Variants in ALK observed in about 807,000 individuals in gnomAD.
ALK encodes the protein ALK receptor tyrosine kinase, also known as ALK tyrosine kinase receptor.
ALK carries 74 observed loss-of-function variants against 163.1 expected under a neutral mutation model. The observed-to-expected ratio is 0.45, with a 90% CI of 0.38 to 0.55. ALK has a LOEUF of 0.55. Ranked by LOEUF, ALK falls within the 20% of genes least tolerant of loss-of-function variation. The pLI, the probability that ALK is intolerant of heterozygous loss-of-function variation, is 0.00. For missense variants in ALK, 2,063 were observed against 2,105.3 expected (o/e 0.98, Z 0.39); for synonymous variants, 960 against 843.2 (o/e 1.14, Z -2.40).
intron 4 of ALK, among the ~76,000 whole-genome samples, chr2:29,409,682 T>C (rs1030255427): frequency 2.6e-5 from 4 of 152,166 alleles, no homozygotes; most frequent in Non-Finnish European, 4.4e-5. Context: ...ATCCTCTTCC[T>C]CTATGACCTG....
chr2:29,868,860 T>C (rs1475792787), intron 1 of ALK, among the ~76,000 whole-genome samples: 1 of 151,884 alleles, frequency 6.6e-6, no homozygotes, highest in Non-Finnish European at 1.5e-5. Context: ...TGAGGTAACA[T>C]ATAAAGGGTA....
At chr2:29,784,787 C>T (rs1663961717) in intron 1 of ALK, among the ~76,000 whole-genome samples, 1 of 152,106 alleles carries the variant, frequency 6.6e-6, no homozygotes, top group Non-Finnish European at 1.5e-5. Context: ...TGATTGAACC[C>T]AGGAATCCAA....
chr2:29,504,425 T>C (rs1672261710), intron 4 of ALK, among the ~76,000 whole-genome samples: 1 of 152,078 alleles, frequency 6.6e-6, no homozygotes, highest in South Asian at 2.1e-4. Flanking sequence ...CTGGCTGCTG[T>C]GCAGAGAAAG....
intron 4 of ALK, among the ~76,000 whole-genome samples, chr2:29,406,165 C>T (rs1445270682): frequency 6.6e-6 from 1 of 152,194 alleles, no homozygotes; most frequent in Non-Finnish European, 1.5e-5. Context: ...ATGAGCACGA[C>T]CTTGGGACAA....
At chr2:29,904,545 T>C (rs985315504) in intron 1 of ALK, among the ~76,000 whole-genome samples, 2 of 152,190 alleles carry the variant, frequency 1.3e-5, no homozygotes, top group Non-Finnish European at 1.5e-5. Context: ...AGATAATGGA[T>C]AATATCTTCA....
At chr2:29,501,800 T>C (rs201697746) in intron 4 of ALK, among the ~76,000 whole-genome samples, 1 of 152,224 alleles carries the variant, frequency 6.6e-6, no homozygotes, top group East Asian at 1.9e-4. Flanking sequence ...CTCTAGAACA[T>C]TTCTCGTTTT....
chr2:29,315,216 T>C (rs887911827), intron 8 of ALK, among the ~76,000 whole-genome samples: 2 of 151,346 alleles, frequency 1.3e-5, no homozygotes, highest in Non-Finnish European at 2.9e-5. Flanking sequence ...TGCAGAGAGA[T>C]AGGAGGCAGC....
intron 4 of ALK, among the ~76,000 whole-genome samples, chr2:29,394,309 T>A (rs1669249373): frequency 7.3e-6 from 1 of 137,390 alleles, no homozygotes. Context: ...ACACTGATTA[T>A]CCAGACCAGA....
At chr2:29,736,664 C>A (rs1679900460) in intron 1 of ALK, among the ~76,000 whole-genome samples, 1 of 151,948 alleles carries the variant, frequency 6.6e-6, no homozygotes, top group South Asian at 2.1e-4. Flanking sequence ...AGCAGAGTGC[C>A]TTATGTAGTG....
At chr2:29,658,109 C>T (rs1677241949) in intron 3 of ALK, among the ~76,000 whole-genome samples, 1 of 152,138 alleles carries the variant, frequency 6.6e-6, no homozygotes, top group African/African-American at 2.4e-5. Context: ...CTCTCCTGTC[C>T]ACTGTCCACT....
intron 3 of ALK, among the ~76,000 whole-genome samples, chr2:29,650,017 A>T (rs188226799): frequency 7.1e-4 from 108 of 152,292 alleles, no homozygotes; most frequent in African/African-American, 2.5e-3. Context: ...TTAAAACCAC[A>T]AGGAAGGGAA....
intron 9 of ALK, among the ~76,000 whole-genome samples, chr2:29,294,385 A>G (rs1666122363): frequency 6.6e-6 from 1 of 152,204 alleles, no homozygotes; most frequent in African/African-American, 2.4e-5. Flanking sequence ...GACTGGTTAT[A>G]TTGCTAAATT....
At chr2:29,396,371 T>C (rs1669303241) in intron 4 of ALK, among the ~76,000 whole-genome samples, 1 of 152,134 alleles carries the variant, frequency 6.6e-6, no homozygotes, top group Admixed American at 6.5e-5. Context: ...GTGTCAGGAA[T>C]AATCTCTTTA....
intron 4 of ALK, among the ~76,000 whole-genome samples, chr2:29,427,242 A>G (rs1482716368): frequency 6.6e-6 from 1 of 152,060 alleles, no homozygotes; most frequent in Non-Finnish European, 1.5e-5. Flanking sequence ...GAGAAATGGT[A>G]AATACGAAGG....
intron 3 of ALK, among the ~76,000 whole-genome samples, chr2:29,583,035 G>GTTTTTTTTTTTT (rs10637189): frequency 1.1e-4 from 12 of 108,100 alleles, no homozygotes; most frequent in Admixed American, 1.8e-4. Flanking sequence ...GCTAACTTTT[G>GTTTTTTTTTTTT]TTTTTTGTTT....
chr2:29,296,961 AG>A lies in ALK; in HGVS notation c.1743del (p.Trp582GlyfsTer9). The A allele has an allele frequency of 6.2e-7, 1 of 1,614,214 alleles. No individual in the cohort carries two copies. The highest frequency in any genetic ancestry group is 1.1e-5 in the South Asian group (1 of 91,084). Reference sequence around the variant, plus strand: ...AAGCCTTCATAGGCGGCGACATGCCAGACCATCCTGCCTTGCTCCTTCCCGG... The same window carrying A: ...AAGCCTTCATAGGCGGCGACATGCCAACCATCCTGCCTTGCTCCTTCCCGG... The part of the protein sequence containing the change: ...NKTGKEQGRM[V>X]WHVAAYEGLS... On this transcript the variant is annotated frameshift_variant, in exon 9 of 29. Coordinates refer to ENST00000389048, the MANE Select transcript of ALK (RefSeq NM_004304.5). LOFTEE classifies it high-confidence loss of function.
intron 3 of ALK, among the ~76,000 whole-genome samples, chr2:29,591,664 G>A (rs1675063555): frequency 6.6e-6 from 1 of 152,200 alleles, no homozygotes; most frequent in Non-Finnish European, 1.5e-5. Context: ...GGGAGGCAAG[G>A]AGTGACAGCA....
intron 1 of ALK, among the ~76,000 whole-genome samples, chr2:29,777,189 C>T (rs541285315): frequency 1.3e-5 from 2 of 152,342 alleles, no homozygotes; most frequent in East Asian, 3.9e-4. Flanking sequence ...TCAAAATATT[C>T]ATCCAGGAGA....
At chr2:29,700,251 A>G (rs1223566717) in intron 2 of ALK, among the ~76,000 whole-genome samples, 1 of 152,146 alleles carries the variant, frequency 6.6e-6, no homozygotes, top group Non-Finnish European at 1.5e-5. Context: ...ATTCTCAAAG[A>G]ATTAAAAAGC....
Sources: allele counts gnomAD v4.1 joint callset (sites outside exome capture counted in the v4.1 genomes callset), GRCh38; gene constraint gnomAD v4.1.1; transcripts MANE v1.5; gene names NCBI Gene and HGNC (gene_info 2026-07-23, HGNC 2026-07-21).